The following DYM variants were observed in gnomAD, a reference collection of about 807,000 sequenced individuals.
DYM encodes the protein dyggve-Melchior-Clausen syndrome protein.
Under a neutral mutation model 93.1 loss-of-function variants are expected in DYM, and 78 were observed. The observed-to-expected ratio is 0.84, with a 90% CI of 0.70 to 1.01. The LOEUF is 1.01. Ranked by LOEUF, DYM falls within the 50% of genes least tolerant of loss-of-function variation. DYM has a pLI of 0.00. For synonymous variants in DYM, 321 were observed against 319.7 expected (o/e 1.00, Z -0.04); for missense variants, 789 against 845.0 (o/e 0.93, Z 0.82).
intron 1 of DYM, among the ~76,000 whole-genome samples, chr18:49,446,311 A>G (rs1356462763): frequency 6.6e-6 from 1 of 152,220 alleles, no homozygotes; most frequent in Non-Finnish European, 1.5e-5. Context: ...ACTGCCTCTG[A>G]AAATGAGATT....
intron 13 of DYM, among the ~76,000 whole-genome samples, chr18:49,220,149 T>A (rs1391714646): frequency 6.6e-6 from 1 of 152,142 alleles, no homozygotes; most frequent in Non-Finnish European, 1.5e-5. Context: ...GAACTCCCAT[T>A]CACAATTGCT....
intron 13 of DYM, among the ~76,000 whole-genome samples, chr18:49,213,099 G>A (rs2092863503): frequency 6.6e-6 from 1 of 152,108 alleles, no homozygotes; most frequent in African/African-American, 2.4e-5. Context: ...AATGTTATTT[G>A]ATATGGTTAT....
chr18:49,423,791 A>T (rs1266848733), intron 2 of DYM, among the ~76,000 whole-genome samples: 2 of 152,238 alleles, frequency 1.3e-5, no homozygotes, highest in Admixed American at 1.3e-4. Flanking sequence ...AAACTAGAAA[A>T]TCTAGAAGAA....
At chr18:49,311,585 G>C (rs574581790) in intron 8 of DYM, among the ~76,000 whole-genome samples, 2 of 152,008 alleles carry the variant, frequency 1.3e-5, no homozygotes, top group Non-Finnish European at 2.9e-5. Context: ...TAGGGACATC[G>C]ATGAAGCTGG....
At chr18:49,224,962 TG>T (rs1334046624) in intron 13 of DYM, among the ~76,000 whole-genome samples, 1 of 151,426 alleles carries the variant, frequency 6.6e-6, no homozygotes, top group Non-Finnish European at 1.5e-5. Flanking sequence ...GATGAAGGAG[TG>T]GTTACCAGTG....
intron 17 of DYM, among the ~76,000 whole-genome samples, chr18:49,068,903 T>G (rs2076674378): frequency 6.6e-6 from 1 of 152,224 alleles, no homozygotes; most frequent in African/African-American, 2.4e-5. Context: ...CTGCATGGAA[T>G]TGATGTTTTT....
chr18:49,040,957 G>A lies in DYM; in HGVS notation c.*3098C>T, dbSNP rs533157831. On this transcript the variant is annotated 3_prime_UTR_variant, in exon 18 of 18. Transcript: ENST00000675505. The stretch of plus-strand genomic sequence containing the variant: ...CTCTTAGGAAGTTGCTGAGTGTTCT[G>A]ATGCTGGTCCTGTGTCCTTTCCACT... 9.5e-4 allele frequency among the ~76,000 whole-genome samples: 145 copies of A among 152,320 alleles called. No individual in the cohort carries two copies. Among genetic ancestry groups the A allele is most frequent in the South Asian group, 3.9e-3 (19 of 4,830 alleles).
chr18:49,087,502 G>A (rs930668590), intron 17 of DYM, among the ~76,000 whole-genome samples: 1 of 152,178 alleles, frequency 6.6e-6, no homozygotes, highest in Non-Finnish European at 1.5e-5. Flanking sequence ...TCATGGGCTA[G>A]CCTGTTTATC....
At chr18:49,289,404 T>TAAAAAAAAA (rs56240607) in intron 8 of DYM, among the ~76,000 whole-genome samples, 11 of 33,520 alleles carry the variant, frequency 3.3e-4, no homozygotes, top group African/African-American at 4.9e-4. Context: ...TACAAATCAG[T>TAAAAAAAAA]AAAAAAAAAA....
intron 4 of DYM, among the ~76,000 whole-genome samples, chr18:49,379,082 G>A (rs77243484): frequency 0.011 from 1,748 of 152,160 alleles, 32 homozygotes; most frequent in African/African-American, 0.04. Context: ...CAAAATTTTC[G>A]ACGAGGCATT....
At chr18:49,270,005 T>C (rs914376875) in intron 11 of DYM, among the ~76,000 whole-genome samples, 2 of 152,192 alleles carry the variant, frequency 1.3e-5, no homozygotes, top group African/African-American at 4.8e-5. Context: ...TTTCTATGTT[T>C]AGATAAACAA....
rs1041945563 is a variant in DYM at position 49,144,029 on chromosome 18, C to T, written c.1728+19656G>A. The stretch of plus-strand genomic sequence containing the variant: ...TAATAGTAATCCCTGAAAATTACCA[C>T]ATATCCAGCCAGTGCTCAACTTTCT... On this transcript the variant is annotated intron_variant, in intron 15 of 17. Coordinates refer to ENST00000675505, the MANE Select transcript of DYM (RefSeq NM_001353214.3). Among the ~76,000 whole-genome samples, 8 of 152,258 alleles carry T rather than the reference C, an allele frequency of 5.3e-5. No individual in the cohort carries two copies. The South Asian group carries it at 6.2e-4, about 12-fold the overall frequency.
intron 14 of DYM, among the ~76,000 whole-genome samples, chr18:49,182,038 G>T (rs1027707831): frequency 1.6e-4 from 24 of 151,888 alleles, no homozygotes; most frequent in African/African-American, 5.8e-4. Context: ...AATCGCTTTT[G>T]GTTTCTTCTT....
At chr18:49,090,562 C>G (rs1426367393) in intron 17 of DYM, among the ~76,000 whole-genome samples, 2 of 152,302 alleles carry the variant, frequency 1.3e-5, no homozygotes, top group East Asian at 3.9e-4. Flanking sequence ...GGCACTCGGT[C>G]TCCTCGACTT....
chr18:49,289,761 A>ACG (rs1254589385), intron 8 of DYM, among the ~76,000 whole-genome samples: 5 of 57,396 alleles, frequency 8.7e-5, no homozygotes, highest in South Asian at 5.5e-4. Context: ...ATATATATAT[A>ACG]TATATATATA....
At chr18:49,403,127 T>G (rs1179663903) in intron 2 of DYM, among the ~76,000 whole-genome samples, 1 of 152,190 alleles carries the variant, frequency 6.6e-6, no homozygotes, top group Non-Finnish European at 1.5e-5. Flanking sequence ...ATTTATTTAT[T>G]TATCCCTTAA....
At chr18:49,211,108 T>A (rs996747066) in intron 13 of DYM, among the ~76,000 whole-genome samples, 2 of 152,146 alleles carry the variant, frequency 1.3e-5, no homozygotes, top group African/African-American at 4.8e-5. Flanking sequence ...AAAAATAAAA[T>A]TTTTTAAAGA....
chr18:49,372,256 G>A (rs1002517325), intron 5 of DYM, among the ~76,000 whole-genome samples: 2 of 151,894 alleles, frequency 1.3e-5, no homozygotes, highest in Non-Finnish European at 2.9e-5. Flanking sequence ...TAATTTTATT[G>A]CTCTTTTATC....
intron 6 of DYM, among the ~76,000 whole-genome samples, chr18:49,353,602 G>A (rs2065302409): frequency 6.6e-6 from 1 of 151,952 alleles, no homozygotes; most frequent in Non-Finnish European, 1.5e-5. Flanking sequence ...GGGAAAAGGT[G>A]CAAGTAGAAG....
Sources: gnomAD v4.1 joint callset for allele counts (sites outside exome capture counted in the v4.1 genomes callset) on GRCh38, gnomAD v4.1.1 for gene constraint, MANE v1.5 for transcripts, NCBI Gene and HGNC (gene_info 2026-07-23, HGNC 2026-07-21) for gene names.